SGSM2: variants seen among roughly 807,000 people sequenced by gnomAD.
SGSM2 encodes small G protein signaling modulator 2, also known as RUN and TBC1 domain containing 1.
Under a neutral mutation model 126.6 loss-of-function variants are expected in SGSM2, and 89 were observed. The observed-to-expected ratio is 0.70, with a 90% CI of 0.59 to 0.84. The LOEUF is 0.84. Ranked by LOEUF, SGSM2 falls within the 40% of genes least tolerant of loss-of-function variation. The pLI, the probability that SGSM2 is intolerant of heterozygous loss-of-function variation, is 0.00. For missense variants in SGSM2, 1,404 were observed against 1,416.6 expected, an observed-to-expected ratio of 0.99 and a Z score of 0.14; for synonymous variants, 614 against 574.3, an observed-to-expected ratio of 1.07 and a Z score of -0.99.
rs1353370775 is a variant in SGSM2, at chr17:2,367,345, C to G, written c.1363C>G (p.Leu455Val). Residue 455 changes from leucine to valine, a missense_variant, in exon 12 of 24, where the codon CTG becomes GTG. Physicochemically the swap from Leu to Val is conservative, Grantham distance 32. Coordinates refer to ENST00000268989, the MANE Select transcript of SGSM2 (RefSeq NM_014853.3). The surrounding 1 kb of genome is among the most constrained non-coding windows in gnomAD (Gnocchi z 4.0). ...CGATGATGAGGAAGAGGAGGATAAA[C>G]TGCACGCGATGCTCTCAATGATCTG... Reference protein sequence around the residue: ...VDDDEEEEDKLHAMLSMICSR... With the variant: ...VDDDEEEEDKVHAMLSMICSR... The G allele has an allele frequency of 1.2e-6, 2 of 1,614,224 alleles. No homozygotes were observed. The highest frequency in any genetic ancestry group is 1.7e-5 in the Admixed American group (1 of 60,026).
At chr17:2,374,023 G>A (rs1014432492) in intron 17 of SGSM2, 11 of 158,902 alleles carry the variant, frequency 6.9e-5, no homozygotes, top group South Asian at 1.8e-4. Context: ...CTTCCTCCCC[G>A]CGATGTTGCC....
In SGSM2 at chr17:2,365,206, CT is replaced by C; in HGVS notation, c.1162-7del. The C allele has an allele frequency of 6.2e-7, 1 of 1,606,870 alleles. No homozygotes were observed. The highest frequency in any genetic ancestry group is 8.5e-7 in the Non-Finnish European group (1 of 1,175,354). ...TATACAGCCCGACCACCTACCCCTC[CT>C]TCCACAGGGGAAAGTGTTCCCCAAG... On this transcript the variant is annotated splice_region_variant and splice_polypyrimidine_tract_variant and intron_variant, in intron 10 of 23. Transcript: ENST00000268989.
At position 2,372,278 on chromosome 17, in the gene SGSM2, G is replaced by T; in HGVS notation, c.1642+24G>T. 1 of 1,612,248 alleles carries T rather than the reference G, an allele frequency of 6.2e-7. No individual in the cohort carries two copies. The highest frequency in any genetic ancestry group is 1.1e-5 in the South Asian group (1 of 91,072). ...CTGTGAGTGTGGGGCGCGCCGGGCT[G>T]TGGCGGGCTGGGGGCGGGCGGCCCT... On this transcript the variant is annotated intron_variant, in intron 14 of 23. Transcript: ENST00000268989. The surrounding 1 kb of genome is among the most constrained non-coding windows in gnomAD (Gnocchi z 6.0).
In SGSM2 at chr17:2,379,201, A is replaced by G; in HGVS notation, c.3065A>G (p.Asn1022Ser). Residue 1022 changes from asparagine to serine, a missense_variant and splice_region_variant, in exon 23 of 24, where the codon AAT (asparagine) becomes AGT (serine). Physicochemically the swap from Asn to Ser is conservative, Grantham distance 46. Transcript: ENST00000268989. ...MDFTDIIKFF[N>S]ERAEHHDAQE... ...TTCACTGACATCATCAAGTTTTTCAATGGTACGAGCTGGTCCAGCCATCCA... is the reference window on the plus strand; with the variant it reads ...TTCACTGACATCATCAAGTTTTTCAGTGGTACGAGCTGGTCCAGCCATCCA... The G allele has an allele frequency of 6.2e-7, 1 of 1,614,014 alleles. No individual in the cohort carries two copies. The highest frequency in any genetic ancestry group is 8.5e-7 in the Non-Finnish European group (1 of 1,179,980).
intron 1 of SGSM2, among the ~76,000 whole-genome samples, chr17:2,338,507 C>G (rs971965889): frequency 6.6e-6 from 1 of 152,078 alleles, no homozygotes; most frequent in African/African-American, 2.4e-5. Context: ...CAACCCACAG[C>G]GCAGCTTAGA....
chr17:2,343,598 C>T lies in SGSM2; in HGVS notation c.111C>T (p.Ser37=). The T allele has an allele frequency of 6.2e-7, 1 of 1,614,150 alleles. No homozygotes were observed. The highest frequency in any genetic ancestry group is 2.2e-5 in the East Asian group (1 of 44,878). Residue 37 remains serine, a synonymous_variant, in exon 2 of 24, where the codon AGC becomes AGT. Coordinates refer to ENST00000268989, the MANE Select transcript of SGSM2 (RefSeq NM_014853.3). ...CCAGGAAGTTTGTGCATGAAGACAG[C>T]AGCCACATCATTGCTTTATGTGGTG... ...AVTRKFVHED[S]SHIIALCGAV...
rs1597380486 is a variant in SGSM2 at position 2,371,513 on chromosome 17, G to A, written c.1577+98G>A. On this transcript the variant is annotated intron_variant, in intron 13 of 23. Coordinates refer to ENST00000268989, the MANE Select transcript of SGSM2 (RefSeq NM_014853.3). ...GGCCGTGTCACCTGCACGACAGGGT[G>A]GCCTCTAGAGTGGGACAGATCTGGG... 6 of 1,420,752 alleles carry A rather than the reference G, an allele frequency of 4.2e-6. No individual in the cohort carries two copies. In the East Asian group the frequency reaches 1.5e-4, roughly 34 times the overall value. The allele number at this position is 1,420,752 out of a possible 1,614,324, so 88.0% of individuals were successfully genotyped here. A position where few individuals can be genotyped will look rare whatever the true frequency, so the allele number is the denominator to read the frequency against.
In SGSM2 at chr17:2,353,815, T is replaced by C. The variant is rs111659930; in HGVS notation, c.134-7822T>C. Among the ~76,000 whole-genome samples, 401 of 152,230 alleles carry C rather than the reference T, an allele frequency of 2.6e-3. 2 individuals are homozygous for C. Among genetic ancestry groups the C allele is most frequent in the African/African-American group, 9.2e-3 (381 of 41,538 alleles). ...AGTCTCACTCCTTTCTCTGCTCTTA[T>C]TCACCCACTTCCTGTCTATGTACGA... On this transcript the variant is annotated intron_variant, in intron 2 of 23. Coordinates refer to ENST00000268989, the MANE Select transcript of SGSM2 (RefSeq NM_014853.3).
At chr17:2,371,576 T>G (rs1831283750) in intron 13 of SGSM2, 161 bp downstream of exon 13, 1 of 802,760 alleles carries the variant, frequency 1.2e-6, no homozygotes, top group Non-Finnish European at 1.9e-6. Context: ...GACTTACAAG[T>G]TATGGAATTA....
At chr17:2,343,347 C>G (rs764431082) in intron 1 of SGSM2, among the ~76,000 whole-genome samples, 198 bp from the exon 2 acceptor site, 1 of 152,158 alleles carries the variant, frequency 6.6e-6, no homozygotes, top group East Asian at 1.9e-4. Flanking sequence ...CATCTCTTTC[C>G]CTGGTTTCCC....
At chr17:2,351,248 G>A (rs1354705157) in intron 2 of SGSM2, among the ~76,000 whole-genome samples, 1 of 150,286 alleles carries the variant, frequency 6.7e-6, no homozygotes, top group African/African-American at 2.4e-5. Context: ...TCGAGACTCA[G>A]TCTCAAAAAA....
intron 2 of SGSM2, among the ~76,000 whole-genome samples, chr17:2,350,039 G>A (rs911565990): frequency 5.9e-5 from 9 of 151,744 alleles, no homozygotes; most frequent in Admixed American, 2.6e-4. Context: ...CGCCCACCTC[G>A]GCCTCCCAAA....
chr17:2,377,640 T>G (rs2429917), intron 21 of SGSM2: 1 of 450,716 alleles, frequency 2.2e-6, no homozygotes, highest in Non-Finnish European at 4.0e-6. Context: ...ATAATGCAGC[T>G]CAGAGAGATG....
chr17:2,346,251 C>A (rs1400339058), intron 2 of SGSM2, among the ~76,000 whole-genome samples: 1 of 152,174 alleles, frequency 6.6e-6, no homozygotes, highest in Non-Finnish European at 1.5e-5. Flanking sequence ...CCTAGCGACA[C>A]CACGGTCCCT....
At position 2,372,400 on chromosome 17, in the gene SGSM2, A is replaced by C. The variant is rs1186166145; in HGVS notation, c.1700A>C (p.His567Pro). ...CGGACCCACCTGTCGGCGCTGGTGC[A>C]CCATAGCGTTATCCCACCTGACCGG... ...TVRTHLSALVHHSVIPPDRPP... is the reference protein window; with the variant it reads ...TVRTHLSALVPHSVIPPDRPP... The change falls in exon 15 of 24, where the codon CAC (histidine) becomes CCC (proline). Residue 567 changes from histidine to proline, a missense_variant. Coordinates refer to ENST00000268989, the MANE Select transcript of SGSM2 (RefSeq NM_014853.3). This position sits in a 1 kb window ranked among gnomAD's most constrained non-coding sequence, Gnocchi z 6.0. 3 of 1,595,044 alleles carry C rather than the reference A, an allele frequency of 1.9e-6. No individual in the cohort carries two copies. The highest frequency in any genetic ancestry group is 1.3e-5 in the African/African-American group (1 of 74,550).
Position 2,377,873 on chromosome 17 carries a change from T to C in SGSM2, c.2819T>C (p.Leu940Pro). 6.2e-7 allele frequency: 1 copy of C among 1,610,752 alleles called. No individual in the cohort carries two copies. The highest frequency in any genetic ancestry group is 8.5e-7 in the Non-Finnish European group (1 of 1,177,080). Residue 940 changes from leucine (L) to proline (P), a missense_variant, in exon 22 of 24, where the codon CTG (leucine) becomes CCG (proline). By Grantham distance (98) the Leu-to-Pro change is moderately conservative. Coordinates refer to ENST00000268989, the MANE Select transcript of SGSM2 (RefSeq NM_014853.3). ...RSLIQILDSE[L>P]FELMHQNGDY... is the part of the protein sequence containing the mutation. ...CCACATAAGATCCTGGACTCAGAGC[T>C]GTTTGAGCTGATGCATCAGAATGGA...
chr17:2,380,004 A>C lies in SGSM2; in HGVS notation c.*484A>C. The C allele has an allele frequency of 1.4e-6, 2 of 1,389,376 alleles. No individual in the cohort carries two copies. Among genetic ancestry groups the C allele is most frequent in the Non-Finnish European group, 1.9e-6 (2 of 1,074,384 alleles). 86.1% of individuals were successfully genotyped at this position (1,389,376 alleles called of 1,614,324 possible). Reference sequence around the variant, plus strand: ...TGCACCAGCCCCAGCTGGAGCAACCAAAACTGCTTCTGGTTTAGGCACACG... The same window carrying C: ...TGCACCAGCCCCAGCTGGAGCAACCCAAACTGCTTCTGGTTTAGGCACACG... On this transcript the variant is annotated 3_prime_UTR_variant, in exon 24 of 24. Transcript: ENST00000268989.
rs2065673857 is a variant in SGSM2, at chr17:2,367,970, A to T, written c.1423+565A>T. 6.6e-6 allele frequency among the ~76,000 whole-genome samples: 1 copy of T among 152,164 alleles called. No homozygotes were observed. Among genetic ancestry groups the T allele is most frequent in the Admixed American group, 6.5e-5 (1 of 15,288 alleles). ...GGCAGGGCCTGGTACTTTGGCATGA[A>T]ATCTAGAAATAGCTGCAGCATGGTG... On this transcript the variant is annotated intron_variant, in intron 12 of 23. Coordinates refer to ENST00000268989, the MANE Select transcript of SGSM2 (RefSeq NM_014853.3). This position sits in a 1 kb window ranked among gnomAD's most constrained non-coding sequence, Gnocchi z 4.0.
At position 2,361,642 on chromosome 17, in the gene SGSM2, G is replaced by T. The variant is rs761525606; in HGVS notation, c.139G>T (p.Val47Leu). 1 of 1,613,682 alleles carries T rather than the reference G, an allele frequency of 6.2e-7. No individual in the cohort carries two copies. The highest frequency in any genetic ancestry group is 1.1e-5 in the South Asian group (1 of 91,030). ...CGTTTCCCTTTGTGGCCTAGGTGCA[G>T]TGGAGGCTTGCCTCTTGCATCAGCT... ...SSHIIALCGA[V>L]EACLLHQLRR... Residue 47 changes from valine (V) to leucine (L), a missense_variant, in exon 3 of 24, where the codon GTG becomes TTG. Coordinates refer to ENST00000268989, the MANE Select transcript of SGSM2 (RefSeq NM_014853.3).
Sources: gnomAD v4.1 joint callset for allele counts (sites outside exome capture counted in the v4.1 genomes callset) on GRCh38, gnomAD v4.1.1 for gene constraint, Gnocchi (gnomAD v3.1) non-coding constraint, MANE v1.5 for transcripts, NCBI Gene and HGNC (gene_info 2026-07-23, HGNC 2026-07-21) for gene names.